Variants in FOCAD observed in about 807,000 individuals in gnomAD.
FOCAD encodes the protein focadhesin.
In FOCAD, 198 loss-of-function variants were observed where a neutral mutation model predicts 225.6. The ratio of observed to expected loss-of-function variants is 0.88; its 90% CI spans 0.78 to 0.99. The LOEUF is 0.99. FOCAD is among the 50% of genes least tolerant of loss of function. FOCAD has a pLI of 0.00. For synonymous variants in FOCAD, 897 were observed against 755.0 expected (o/e 1.19, Z -3.08); for missense variants, 2,713 against 2,123.6 (o/e 1.28, Z -5.46).
At chr9:20,815,550 T>C (rs558658549) in intron 11 of FOCAD, among the ~76,000 whole-genome samples, 13 of 146,108 alleles carry the variant, frequency 8.9e-5, no homozygotes, top group Non-Finnish European at 1.5e-4. Context: ...ACTTTAAATA[T>C]ATTATTTCAC....
intron 6 of FOCAD, among the ~76,000 whole-genome samples, chr9:20,760,444 C>G (rs1422869415): frequency 1.3e-5 from 2 of 152,204 alleles, no homozygotes; most frequent in South Asian, 2.1e-4. Context: ...CTTTTCTTAT[C>G]TTCATCTCGC....
chr9:20,863,007 A>C, intron 16 of FOCAD: 1 of 207,896 alleles, frequency 4.8e-6, no homozygotes, highest in Non-Finnish European at 9.5e-6. Context: ...AACCATTAAA[A>C]ATCATTTTGT....
At position 20,952,997 on chromosome 9, in the gene FOCAD, A is replaced by G. The variant is rs1241507362; in HGVS notation, c.4064A>G (p.Tyr1355Cys). The G allele has an allele frequency of 1.2e-6, 2 of 1,613,490 alleles. No homozygotes were observed. Among genetic ancestry groups the G allele is most frequent in the Non-Finnish European group, 1.7e-6 (2 of 1,179,720 alleles). Reference sequence around the variant, plus strand: ...TCTGTCTCCACAGTTCCTACTGACTATAGCTACTTGCCTGAAAGCAGTTTT... The same window carrying G: ...TCTGTCTCCACAGTTCCTACTGACTGTAGCTACTTGCCTGAAAGCAGTTTT... ...SQSRASVPTD[Y>C]SYLPESSFIG... Residue 1355 changes from tyrosine to cysteine, a missense_variant, in exon 35 of 44, where the codon TAT becomes TGT. Transcript: ENST00000338382.
intron 42 of FOCAD, 83 bp from the exon 43 acceptor site, chr9:20,993,168 CAT>C: frequency 8.9e-7 from 1 of 1,129,148 alleles, no homozygotes; most frequent in East Asian, 2.4e-5. Flanking sequence ...AAAATCACCT[CAT>C]ATATATAGGT....
chr9:20,953,166 A>G, intron 35 of FOCAD, 101 bp downstream of exon 35: 2 of 910,384 alleles, frequency 2.2e-6, no homozygotes, highest in East Asian at 5.2e-5. Context: ...AGCAATATAA[A>G]TCTGAAGGGG....
intron 1 of FOCAD, among the ~76,000 whole-genome samples, chr9:20,689,048 A>G (rs1822824711): frequency 6.6e-6 from 1 of 152,214 alleles, no homozygotes; most frequent in Non-Finnish European, 1.5e-5. Flanking sequence ...AGGGATGACG[A>G]TAGAGCCAGG....
At chr9:20,747,597 A>G (rs1587002017) in intron 5 of FOCAD, among the ~76,000 whole-genome samples, 1 of 152,040 alleles carries the variant, frequency 6.6e-6, no homozygotes, top group African/African-American at 2.4e-5. Context: ...TCATTCCCCA[A>G]TACTCTCTAT....
chr9:20,701,677 T>C lies in FOCAD; in HGVS notation c.-32-13645T>C, dbSNP rs143344054. ...TAAAGGCATATAACCAAAGAACATATACAGATGTGGGAGATGTATTGCTGG... is the reference window on the plus strand; with the variant it reads ...TAAAGGCATATAACCAAAGAACATACACAGATGTGGGAGATGTATTGCTGG... On this transcript the variant is annotated intron_variant, in intron 1 of 43. Transcript: ENST00000338382. Among the ~76,000 whole-genome samples, 338 of 152,284 alleles carry C rather than the reference T, an allele frequency of 2.2e-3. 1 individual carries two copies. Among genetic ancestry groups the C allele is most frequent in the African/African-American group, 7.6e-3 (317 of 41,572 alleles).
intron 11 of FOCAD, among the ~76,000 whole-genome samples, chr9:20,811,431 A>G (rs1230447923): frequency 6.6e-6 from 1 of 152,066 alleles, no homozygotes; most frequent in Non-Finnish European, 1.5e-5. Flanking sequence ...CAGATGCTCA[A>G]GCTGGATTGG....
Position 20,891,282 on chromosome 9 carries a change from A to G in FOCAD, c.2625+6052A>G, listed in dbSNP as rs904939112. 3.3e-5 allele frequency among the ~76,000 whole-genome samples: 5 copies of G among 152,172 alleles called. No individual in the cohort carries two copies. In the South Asian group the frequency reaches 6.2e-4, roughly 19 times the overall value. On this transcript the variant is annotated intron_variant, in intron 21 of 43. Transcript: ENST00000338382. Reference sequence around the variant, plus strand: ...GAAATTAGGCCAATTAATAACTACAATGGCCTCTAATTGTTCAAATGAAAG... The same window carrying G: ...GAAATTAGGCCAATTAATAACTACAGTGGCCTCTAATTGTTCAAATGAAAG...
At position 20,815,440 on chromosome 9, in the gene FOCAD, C is replaced by T. The variant is rs569807762; in HGVS notation, c.1456-4356C>T. Among the ~76,000 whole-genome samples, 214 of 151,808 alleles carry T rather than the reference C, an allele frequency of 1.4e-3. 1 individual carries two copies. Among genetic ancestry groups the T allele is most frequent in the South Asian group, 4.4e-3 (21 of 4,806 alleles). On this transcript the variant is annotated intron_variant, in intron 11 of 43. Coordinates refer to ENST00000338382, the MANE Select transcript of FOCAD (RefSeq NM_001375567.1). ...GATTACAGGCACGAGCCACTGCACC[C>T]GGCCTCTCCTTCGTTTTTGAAGGAT... is the stretch of plus-strand genomic sequence containing the variant.
At chr9:20,835,321 AC>A (rs1825891334) in intron 15 of FOCAD, among the ~76,000 whole-genome samples, 1 of 152,128 alleles carries the variant, frequency 6.6e-6, no homozygotes, top group Non-Finnish European at 1.5e-5. Flanking sequence ...TAAGTAACAT[AC>A]CCAAATTAAC....
chr9:20,938,834 C>G (rs1836309521), intron 28 of FOCAD, among the ~76,000 whole-genome samples: 1 of 151,768 alleles, frequency 6.6e-6, no homozygotes, highest in Non-Finnish European at 1.5e-5. Context: ...ATATTTATTA[C>G]AAATATTTTT....
intron 21 of FOCAD, among the ~76,000 whole-genome samples, chr9:20,894,604 T>C (rs966972137): frequency 2.6e-5 from 4 of 152,176 alleles, no homozygotes; most frequent in Admixed American, 1.3e-4. Context: ...ATCCCTGATA[T>C]GTGAAGCATT....
At position 20,845,353 on chromosome 9, in the gene FOCAD, A is replaced by G. The variant is rs187895687; in HGVS notation, c.1921-17225A>G. On this transcript the variant is annotated intron_variant, in intron 15 of 43. Coordinates refer to ENST00000338382, the MANE Select transcript of FOCAD (RefSeq NM_001375567.1). Reference sequence around the variant, plus strand: ...TTTTTCTGAACATCTCTGTATGTCTATGGGTATTTTTAGAAATGAGATTGT... The same window carrying G: ...TTTTTCTGAACATCTCTGTATGTCTGTGGGTATTTTTAGAAATGAGATTGT... 2.3e-4 allele frequency among the ~76,000 whole-genome samples: 34 copies of G among 151,078 alleles called. 1 individual carries two copies. The highest frequency in any genetic ancestry group is 8.0e-4 in the African/African-American group (33 of 41,208).
Position 20,819,860 on chromosome 9 carries a change from A to C in FOCAD, c.1520A>C (p.Asn507Thr). 2 of 1,552,420 alleles carry C rather than the reference A, an allele frequency of 1.3e-6. No individual in the cohort carries two copies. The highest frequency in any genetic ancestry group is 1.7e-6 in the Non-Finnish European group (2 of 1,152,082). ...LGRPLEPILYNDILYTLPKLG... is the reference protein window; with the variant it reads ...LGRPLEPILYTDILYTLPKLG... ...AGACCACTGGAACCTATATTATATA[A>C]TGATATATTGTATACTTTACCTAAG... Residue 507 changes from asparagine to threonine, a missense_variant, in exon 12 of 44, where the codon AAT (asparagine) becomes ACT (threonine). Coordinates refer to ENST00000338382, the MANE Select transcript of FOCAD (RefSeq NM_001375567.1).
chr9:20,973,124 T>A (rs2132556012), intron 35 of FOCAD, among the ~76,000 whole-genome samples: 1 of 150,684 alleles, frequency 6.6e-6, no homozygotes, highest in South Asian at 2.1e-4. Flanking sequence ...TTCAGTATCA[T>A]CTGATGTGGC....
rs1842007529 is a variant in FOCAD, at chr9:20,995,653, A to G, written c.*24A>G. ...GAACAGTTTTGCAGTAACCAGCAGC[A>G]TTCTCAGCTGGATGAGGAAAACCAT... On this transcript the variant is annotated 3_prime_UTR_variant, in exon 44 of 44. Transcript: ENST00000338382. 7 of 1,600,174 alleles carry G rather than the reference A, an allele frequency of 4.4e-6. No homozygotes were observed. The highest frequency in any genetic ancestry group is 6.0e-6 in the Non-Finnish European group (7 of 1,168,190).
intron 35 of FOCAD, among the ~76,000 whole-genome samples, chr9:20,957,848 T>A (rs1838345472): frequency 6.6e-6 from 1 of 151,964 alleles, no homozygotes; most frequent in Admixed American, 6.6e-5. Context: ...AGCTCTCTTC[T>A]GCTACAGCTT....
Sources: allele counts gnomAD v4.1 joint callset (sites outside exome capture counted in the v4.1 genomes callset), GRCh38; gene constraint gnomAD v4.1.1; transcripts MANE v1.5; gene names NCBI Gene and HGNC (gene_info 2026-07-23, HGNC 2026-07-21).